The following TFEC variants were observed in gnomAD, a reference collection of about 807,000 sequenced individuals.
TFEC encodes the protein transcription factor EC.
A neutral mutation model predicts 41.6 loss-of-function variants in TFEC; 31 were observed. The observed-to-expected ratio is 0.74, with a 90% CI of 0.56 to 1.01. The LOEUF (loss-of-function observed/expected upper bound fraction) is 1.01. TFEC is among the 50% of genes least tolerant of loss of function. The pLI is 0.00. For missense variants in TFEC, 402 were observed against 404.1 expected (o/e 0.99, Z 0.04); for synonymous variants, 143 against 140.6 (o/e 1.02, Z -0.12).
rs1171510742 is a variant in TFEC at position 116,030,679 on chromosome 7, C to A, written c.-119G>T. ...AGTGTTGTCATCTCTACAAACAGCA[C>A]CAAATTATAATCCCTCTTCCCATAA... On this transcript the variant is annotated 5_prime_UTR_variant, in exon 1 of 8. Coordinates refer to ENST00000265440, the MANE Select transcript of TFEC (RefSeq NM_012252.4). 4 of 985,332 alleles carry A rather than the reference C, an allele frequency of 4.1e-6. No homozygotes were observed. The highest frequency in any genetic ancestry group is 4.8e-6 in the Non-Finnish European group (4 of 829,924). The allele number at this position is 985,332 out of a possible 1,614,324, so 61.0% of individuals were successfully genotyped here.
chr7:115,970,396 T>C (rs956260650), intron 3 of TFEC, among the ~76,000 whole-genome samples: 3 of 151,796 alleles, frequency 2.0e-5, no homozygotes, highest in South Asian at 2.1e-4. Flanking sequence ...AAAAGCCCTA[T>C]TGGGGAGGAG....
chr7:116,098,456 A>T (rs963218853), intron 3 of TFEC, among the ~76,000 whole-genome samples: 7 of 152,188 alleles, frequency 4.6e-5, no homozygotes, highest in Non-Finnish European at 1.0e-4. Flanking sequence ...GAGCAAAAAG[A>T]CTTAAGCAGA....
At chr7:116,085,499 A>G (rs1041729464) in intron 3 of TFEC, among the ~76,000 whole-genome samples, 4 of 151,914 alleles carry the variant, frequency 2.6e-5, no homozygotes, top group Admixed American at 1.3e-4. Context: ...AATGGATTGT[A>G]TTTGTTAATT....
intron 1 of TFEC, among the ~76,000 whole-genome samples, chr7:116,156,964 T>G (rs907615523): frequency 1.3e-5 from 2 of 152,166 alleles, no homozygotes; most frequent in Non-Finnish European, 2.9e-5. Context: ...TCTTACCTTT[T>G]GTTTAATACT....
chr7:115,980,684 A>G (rs1369045332), intron 2 of TFEC, among the ~76,000 whole-genome samples: 1 of 152,186 alleles, frequency 6.6e-6, no homozygotes, highest in African/African-American at 2.4e-5. Context: ...CAGGTGGTGG[A>G]AGTTACAGTG....
At chr7:116,020,433 C>T (rs1248795069) in intron 1 of TFEC, among the ~76,000 whole-genome samples, 2 of 152,098 alleles carry the variant, frequency 1.3e-5, no homozygotes, top group East Asian at 1.9e-4. Context: ...AATAATGATT[C>T]TATAATGTAA....
chr7:115,942,115 C>T, intron 6 of TFEC, 75 bp from the exon 7 acceptor site: 1 of 1,413,800 alleles, frequency 7.1e-7, no homozygotes, highest in Non-Finnish European at 9.5e-7. Context: ...AAATCTTTTA[C>T]ATTAATATGA....
chr7:116,014,890 G>A (rs1336473305), intron 1 of TFEC, among the ~76,000 whole-genome samples: 1 of 151,998 alleles, frequency 6.6e-6, no homozygotes, highest in Non-Finnish European at 1.5e-5. Flanking sequence ...GCTGGAAAAC[G>A]CAGGCAAGCA....
At chr7:115,955,564 A>C (rs987201783) in intron 4 of TFEC, among the ~76,000 whole-genome samples, 5 of 152,066 alleles carry the variant, frequency 3.3e-5, no homozygotes, top group Admixed American at 3.3e-4. Flanking sequence ...TCTGGCTGAC[A>C]TCTTGACTAC....
At chr7:116,025,590 T>TAC (rs1359660105) in intron 1 of TFEC, among the ~76,000 whole-genome samples, 1 of 152,024 alleles carries the variant, frequency 6.6e-6, no homozygotes, top group Admixed American at 6.6e-5. Flanking sequence ...CTTCAGGAAA[T>TAC]ACACACACAC....
chr7:115,995,639 C>G (rs1343394530), intron 1 of TFEC, among the ~76,000 whole-genome samples: 1 of 152,180 alleles, frequency 6.6e-6, no homozygotes, highest in Non-Finnish European at 1.5e-5. Context: ...ATCAGGTGAG[C>G]AATCACAGTA....
At chr7:115,968,099 G>T in intron 3 of TFEC, 1 of 1,325,080 alleles carries the variant, frequency 7.5e-7, no homozygotes. Flanking sequence ...TTATTTTATT[G>T]ACTATAAGTT....
intron 3 of TFEC, among the ~76,000 whole-genome samples, chr7:116,058,930 T>TA (rs35915611): frequency 6.6e-6 from 1 of 151,600 alleles, no homozygotes; most frequent in African/African-American, 2.4e-5. Flanking sequence ...TGCCTGTATT[T>TA]AAAAAAATAA....
chr7:116,013,730 T>C (rs1420261452), intron 1 of TFEC, among the ~76,000 whole-genome samples: 1 of 152,088 alleles, frequency 6.6e-6, no homozygotes, highest in African/African-American at 2.4e-5. Context: ...TCCTCATTAC[T>C]AGGGGAAAAA....
At chr7:116,057,984 G>T (rs574359649) in intron 3 of TFEC, among the ~76,000 whole-genome samples, 1 of 151,614 alleles carries the variant, frequency 6.6e-6, no homozygotes, top group East Asian at 1.9e-4. Flanking sequence ...GAGCATAGAT[G>T]GAACAAACAG....
At chr7:116,130,191 T>C (rs1798304344) in intron 1 of TFEC, among the ~76,000 whole-genome samples, 1 of 152,164 alleles carries the variant, frequency 6.6e-6, no homozygotes, top group Non-Finnish European at 1.5e-5. Flanking sequence ...CTCTTGAAAG[T>C]TTCCTATATT....
chr7:116,134,948 G>A (rs1420550052), intron 1 of TFEC, among the ~76,000 whole-genome samples: 1 of 152,098 alleles, frequency 6.6e-6, no homozygotes, highest in Non-Finnish European at 1.5e-5. Flanking sequence ...AGTCTCTGTA[G>A]GACTTGATAT....
chr7:116,077,557 A>T, intron 3 of TFEC, among the ~76,000 whole-genome samples: 1 of 152,120 alleles, frequency 6.6e-6, no homozygotes, highest in East Asian at 1.9e-4. Flanking sequence ...AACTCATATA[A>T]ACTTAAGGTA....
At chr7:116,071,405 G>A (rs1466520609) in intron 3 of TFEC, among the ~76,000 whole-genome samples, 1 of 150,520 alleles carries the variant, frequency 6.6e-6, no homozygotes, top group Non-Finnish European at 1.5e-5. Flanking sequence ...GGGCAACTCA[G>A]GTAGATAGCA....
Sources: allele counts gnomAD v4.1 joint callset (sites outside exome capture counted in the v4.1 genomes callset), GRCh38; gene constraint gnomAD v4.1.1; transcripts MANE v1.5; gene names NCBI Gene and HGNC (gene_info 2026-07-23, HGNC 2026-07-21).